Variants in HYCC2 observed in about 807,000 individuals in gnomAD.
HYCC2 encodes the protein hyccin PI4KA lipid kinase complex subunit 2, also known as hyccin 2.
chr2:200,992,271 A>G, the HYCC2 span: 1 of 1,518,222 alleles, frequency 6.6e-7, no homozygotes, highest in Non-Finnish European at 9.1e-7. Context: ...GAGTTAAGAT[A>G]ATAACTTACC....
the HYCC2 span, among the ~76,000 whole-genome samples, chr2:201,043,537 C>A: frequency 7.0e-6 from 1 of 143,130 alleles, no homozygotes. Context: ...GAGACAGAGT[C>A]TCACTCTGTT....
chr2:201,055,938 C>T, the HYCC2 span, among the ~76,000 whole-genome samples: 1 of 152,126 alleles, frequency 6.6e-6, no homozygotes, highest in Non-Finnish European at 1.5e-5. Flanking sequence ...CCTGTAATCC[C>T]AGCACTTTGG....
chr2:201,035,396 G>A, the HYCC2 span, among the ~76,000 whole-genome samples: 3 of 151,974 alleles, frequency 2.0e-5, no homozygotes, highest in Non-Finnish European at 2.9e-5. Context: ...GATTGAATCG[G>A]CTACTGAGGC....
the HYCC2 span, chr2:201,011,444 T>A: frequency 3.8e-6 from 6 of 1,581,902 alleles, no homozygotes; most frequent in South Asian, 7.1e-5. Flanking sequence ...AGACAGAACT[T>A]TATTGTTCCC....
the HYCC2 span, chr2:200,976,789 A>C: frequency 6.6e-6 from 1 of 152,156 alleles, no homozygotes; most frequent in East Asian, 1.9e-4. Context: ...TTTTTCAATC[A>C]TATAAGGAAA....
At chr2:200,981,273 C>T in the HYCC2 span, 1 of 1,612,450 alleles carries the variant, frequency 6.2e-7, no homozygotes, top group Non-Finnish European at 8.5e-7. The surrounding 1 kb of genome is among the most constrained non-coding windows in gnomAD (Gnocchi z 4.5). Flanking sequence ...GTCAAAACTA[C>T]ACCTGGGATA....
the HYCC2 span, among the ~76,000 whole-genome samples, chr2:201,018,409 A>G: frequency 6.6e-6 from 1 of 152,226 alleles, no homozygotes; most frequent in African/African-American, 2.4e-5. Flanking sequence ...ATTCTAAATG[A>G]TTAAAATAAT....
chr2:201,005,353 G>C, the HYCC2 span, among the ~76,000 whole-genome samples: 1 of 152,180 alleles, frequency 6.6e-6, no homozygotes, highest in Non-Finnish European at 1.5e-5. Context: ...TATTCTCATA[G>C]TGACAGAAGG....
At chr2:201,067,639 C>T in the HYCC2 span, among the ~76,000 whole-genome samples, 1 of 152,048 alleles carries the variant, frequency 6.6e-6, no homozygotes, top group Non-Finnish European at 1.5e-5. Context: ...TAAACTGGAC[C>T]CAAGTCAAGG....
chr2:201,043,473 G>A, the HYCC2 span, among the ~76,000 whole-genome samples: 1 of 147,870 alleles, frequency 6.8e-6, no homozygotes, highest in African/African-American at 2.5e-5. Context: ...AATAGTACTG[G>A]TTACAGAGAA....
chr2:201,045,541 C>T, the HYCC2 span: 2 of 398,044 alleles, frequency 5.0e-6, no homozygotes, highest in Non-Finnish European at 4.4e-6. Context: ...CACAGGAATT[C>T]GGCAGAGTTC....
the HYCC2 span, among the ~76,000 whole-genome samples, chr2:201,003,179 C>T: frequency 2.6e-5 from 4 of 152,118 alleles, no homozygotes; most frequent in Admixed American, 1.3e-4. Context: ...CCTCCAGCCT[C>T]GGCCTCCAGA....
chr2:201,029,645 T>C, the HYCC2 span, among the ~76,000 whole-genome samples: 4 of 152,126 alleles, frequency 2.6e-5, no homozygotes, highest in African/African-American at 9.7e-5. Context: ...AGGATGAAGC[T>C]GGAAACAATC....
chr2:201,005,038 A>G, the HYCC2 span, among the ~76,000 whole-genome samples: 2 of 149,468 alleles, frequency 1.3e-5, no homozygotes, highest in African/African-American at 4.9e-5. Flanking sequence ...AAAAAAAAAG[A>G]CCAAAAGTCC....
the HYCC2 span, among the ~76,000 whole-genome samples, chr2:201,060,369 A>G: frequency 6.6e-6 from 1 of 152,330 alleles, no homozygotes; most frequent in East Asian, 1.9e-4. Context: ...TAGCCAAATG[A>G]CTATGTTTCA....
chr2:201,055,358 G>T, the HYCC2 span, among the ~76,000 whole-genome samples: 5 of 150,174 alleles, frequency 3.3e-5, no homozygotes, highest in Admixed American at 3.3e-4. Context: ...CTACAGCCTG[G>T]GCAACAAGAG....
At chr2:201,036,518 C>A in the HYCC2 span, among the ~76,000 whole-genome samples, 1 of 152,184 alleles carries the variant, frequency 6.6e-6, no homozygotes, top group African/African-American at 2.4e-5. Flanking sequence ...CAAACCGAAT[C>A]CAGCAACACA....
the HYCC2 span, among the ~76,000 whole-genome samples, chr2:201,040,993 G>A: frequency 6.6e-6 from 1 of 152,148 alleles, no homozygotes; most frequent in Non-Finnish European, 1.5e-5. Flanking sequence ...TACTAGCTAT[G>A]TTTAAACCCT....
chr2:201,038,876 C>G, the HYCC2 span, among the ~76,000 whole-genome samples: 1 of 151,410 alleles, frequency 6.6e-6, no homozygotes, highest in Non-Finnish European at 1.5e-5. Context: ...CACATGTACT[C>G]TAAAACTTAA....
Sources: allele counts gnomAD v4.1 joint callset (sites outside exome capture counted in the v4.1 genomes callset), GRCh38; gene constraint gnomAD v4.1.1; non-coding constraint Gnocchi (gnomAD v3.1); transcripts MANE v1.5; gene names NCBI Gene and HGNC (gene_info 2026-07-23, HGNC 2026-07-21).